Variants in SRCAP observed in about 807,000 individuals in gnomAD.
SRCAP encodes the protein chromatin remodeling protein SRCAP.
A neutral mutation model predicts 263.1 loss-of-function variants in SRCAP; 46 were observed. That is an observed-to-expected ratio of 0.17 (90% CI 0.14 to 0.22). The LOEUF is 0.22. Among genes scored for constraint, SRCAP ranks in the 10% least tolerant of loss-of-function variants. The pLI is 1.00. For missense variants in SRCAP, 3,695 were observed against 4,181.9 expected (o/e 0.88, Z 3.21); for synonymous variants, 1,813 against 1,662.1 (o/e 1.09, Z -2.21).
intron 25 of SRCAP, among the ~76,000 whole-genome samples, chr16:30,727,855 G>A (rs1028036300): frequency 1.3e-5 from 2 of 151,740 alleles, no homozygotes; most frequent in African/African-American, 4.8e-5. Flanking sequence ...CCTGGCCCTT[G>A]TTTGTATTTT....
intron 33 of SRCAP, 111 bp from the exon 34 acceptor site, chr16:30,736,938 T>G: frequency 8.0e-7 from 1 of 1,245,334 alleles, no homozygotes; most frequent in East Asian, 2.3e-5. Context: ...CTTCCCCAAG[T>G]GCTGGAATTA....
chr16:30,722,497 C>A, intron 22 of SRCAP, 66 bp from the exon 23 acceptor site: 1 of 1,579,672 alleles, frequency 6.3e-7, no homozygotes, highest in Non-Finnish European at 8.7e-7. Context: ...TCTCTTCTTG[C>A]CTTGCCTCTG....
Position 30,709,752 on chromosome 16 carries a change from G to C in SRCAP, c.856+17G>C. The C allele has an allele frequency of 6.2e-7, 1 of 1,614,058 alleles. No individual in the cohort carries two copies. The highest frequency in any genetic ancestry group is 2.2e-5 in the East Asian group (1 of 44,890). ...ATGATGAAGGTGTGTGTTCTCTTTGGTCCTGTTACTCTTCCTCATGTACCC... is the reference window on the plus strand; with the variant it reads ...ATGATGAAGGTGTGTGTTCTCTTTGCTCCTGTTACTCTTCCTCATGTACCC... On this transcript the variant is annotated intron_variant, in intron 7 of 33. Transcript: ENST00000262518.
chr16:30,707,246 C>T lies in SRCAP; in HGVS notation c.370C>T (p.Leu124=). The T allele has an allele frequency of 6.2e-7, 1 of 1,614,164 alleles. No individual in the cohort carries two copies. The highest frequency in any genetic ancestry group is 8.5e-7 in the Non-Finnish European group (1 of 1,180,022). ...RKEGFWSLKR[L]PKVPEPPRPK... Reference sequence around the variant, plus strand: ...GGAGGGTTTCTGGTCACTGAAGAGGCTGCCTAAGGTGCCAGAGCCCCCTCG... The same window carrying T: ...GGAGGGTTTCTGGTCACTGAAGAGGTTGCCTAAGGTGCCAGAGCCCCCTCG... The change falls in exon 5 of 34, where the codon CTG becomes TTG. Residue 124 remains leucine, a synonymous_variant. Coordinates refer to ENST00000262518, the MANE Select transcript of SRCAP (RefSeq NM_006662.3).
In SRCAP at chr16:30,713,194, CT is replaced by C; in HGVS notation, c.2131-11del. 1.2e-6 allele frequency: 2 copies of C among 1,612,626 alleles called. No homozygotes were observed. Among genetic ancestry groups the C allele is most frequent in the Non-Finnish European group, 1.7e-6 (2 of 1,178,998 alleles). On this transcript the variant is annotated splice_polypyrimidine_tract_variant and intron_variant, in intron 14 of 33. Coordinates refer to ENST00000262518, the MANE Select transcript of SRCAP (RefSeq NM_006662.3). ...CATCCCACTATCTGCTACTTTCTGT[CT>C]TTGATCCCTCAGGGCTGGACCAAGC...
Position 30,733,295 on chromosome 16 carries a change from T to C in SRCAP, c.6143T>C (p.Leu2048Ser). ...IQYDCGKLQTLAVLLRQLKAE... is the reference protein window; with the variant it reads ...IQYDCGKLQTSAVLLRQLKAE... Reference sequence around the variant, plus strand: ...ATCTCTTTAGGAAAGTTGCAGACGTTGGCAGTGCTGTTGCGGCAGCTCAAG... The same window carrying C: ...ATCTCTTTAGGAAAGTTGCAGACGTCGGCAGTGCTGTTGCGGCAGCTCAAG... The change falls in exon 28 of 34, where the codon TTG becomes TCG. Residue 2048 changes from leucine to serine, a missense_variant. This residue lies in a region of SRCAP where 138 missense variants were observed against 254.9 expected (regional missense o/e 0.54). Coordinates refer to ENST00000262518, the MANE Select transcript of SRCAP (RefSeq NM_006662.3). This position sits in a 1 kb window ranked among gnomAD's most constrained non-coding sequence, Gnocchi z 5.3. 6.2e-7 allele frequency: 1 copy of C among 1,614,068 alleles called. No homozygotes were observed. The highest frequency in any genetic ancestry group is 8.5e-7 in the Non-Finnish European group (1 of 1,180,028).
intron 12 of SRCAP, 44 bp from the exon 13 acceptor site, chr16:30,712,218 A>G (rs1276815469): frequency 3.1e-6 from 5 of 1,598,084 alleles, no homozygotes; most frequent in East Asian, 2.2e-5. Context: ...CCCCACAACA[A>G]ATGCCTCATT....
chr16:30,707,831 C>A, intron 6 of SRCAP, 119 bp downstream of exon 6: 1 of 1,319,556 alleles, frequency 7.6e-7, no homozygotes, highest in Non-Finnish European at 1.0e-6. Context: ...ACTCTAATGA[C>A]GTTTATGTTG....
In SRCAP at chr16:30,702,243, C is replaced by T. The variant is rs1022452145; in HGVS notation, c.54+1365C>T. 3.0e-4 allele frequency among the ~76,000 whole-genome samples: 46 copies of T among 150,910 alleles called. No homozygotes were observed. The East Asian group carries it at 3.5e-3, about 12-fold the overall frequency. On this transcript the variant is annotated intron_variant, in intron 3 of 33. Transcript: ENST00000262518. ...TGCTGGAATGACAGGTGTGAACCACCGCGCCTGGCCCAGAGTTTCGCTTTT... is the reference window on the plus strand; with the variant it reads ...TGCTGGAATGACAGGTGTGAACCACTGCGCCTGGCCCAGAGTTTCGCTTTT...
In SRCAP at chr16:30,738,620, G is replaced by T; in HGVS notation, c.8580G>T (p.Arg2860Ser). The part of the protein sequence containing the change: ...AITPPAVKRR[R>S]GRPPKKNRSP... ...CCCCACCTGCTGTGAAACGTCGGAGGGGGAGGCCCCCCAAGAAGAACAGGT... is the reference window on the plus strand; with the variant it reads ...CCCCACCTGCTGTGAAACGTCGGAGTGGGAGGCCCCCCAAGAAGAACAGGT... The change falls in exon 34 of 34, where the codon AGG becomes AGT. Residue 2860 changes from arginine to serine, a missense_variant. Around this residue, in one of 12 missense-constraint regions of SRCAP, gnomAD observed 1,207 missense variants for 1,142.9 expected, o/e 1.06. Coordinates refer to ENST00000262518, the MANE Select transcript of SRCAP (RefSeq NM_006662.3). 1.2e-6 allele frequency: 2 copies of T among 1,605,436 alleles called. No homozygotes were observed. The highest frequency in any genetic ancestry group is 1.7e-6 in the Non-Finnish European group (2 of 1,175,736).
In SRCAP at chr16:30,738,974, C is replaced by T. The variant is rs535117118; in HGVS notation, c.8934C>T (p.Leu2978=). The T allele has an allele frequency of 6.2e-6, 10 of 1,613,756 alleles. No homozygotes were observed. In the South Asian group the frequency reaches 1.1e-4, roughly 18 times the overall value. ...PPPHPSPLTP[L]PPLLVCPTAT... is the part of the protein sequence containing the mutation. ...CACACCCATCACCCCTAACCCCACT[C>T]CCACCACTGCTAGTTTGTCCCACTG... Residue 2978 remains leucine (L), a synonymous_variant, in exon 34 of 34, where the codon CTC becomes CTT. Coordinates refer to ENST00000262518, the MANE Select transcript of SRCAP (RefSeq NM_006662.3).
intron 3 of SRCAP, among the ~76,000 whole-genome samples, chr16:30,703,526 G>T (rs969327800): frequency 6.6e-6 from 1 of 151,668 alleles, no homozygotes; most frequent in Non-Finnish European, 1.5e-5. Context: ...TTTGGGAACT[G>T]TGTAAATGTC....
At chr16:30,703,903 A>T (rs2052796254) in intron 3 of SRCAP, among the ~76,000 whole-genome samples, 161 bp from the exon 4 acceptor site, 1 of 149,758 alleles carries the variant, frequency 6.7e-6, no homozygotes, top group African/African-American at 2.5e-5. Context: ...TCTCAAAAAA[A>T]TAAAATAAAA....
chr16:30,716,103 A>G lies in SRCAP; in HGVS notation c.2531A>G (p.Asp844Gly). The G allele has an allele frequency of 6.2e-7, 1 of 1,614,080 alleles. No homozygotes were observed. Among genetic ancestry groups the G allele is most frequent in the Non-Finnish European group, 8.5e-7 (1 of 1,180,018 alleles). ...RPFLLRRVKVDVEKQMPKKYE... is the reference protein window; with the variant it reads ...RPFLLRRVKVGVEKQMPKKYE... ...TTTTTACTGCGCCGAGTTAAGGTGG[A>G]TGTTGAGAAGCAGATGCCCAAAAAG... Residue 844 changes from aspartate (D) to glycine (G), a missense_variant, in exon 17 of 34, where the codon GAT becomes GGT. This residue lies in a region of SRCAP where 121 missense variants were observed against 330.7 expected (regional missense o/e 0.37). Coordinates refer to ENST00000262518, the MANE Select transcript of SRCAP (RefSeq NM_006662.3).
intron 25 of SRCAP, chr16:30,725,677 G>A (rs2053057441): frequency 6.6e-6 from 1 of 152,632 alleles, no homozygotes; most frequent in Non-Finnish European, 1.5e-5. Flanking sequence ...GAGAGTAGAG[G>A]GATTGCTCTG....
At chr16:30,717,949 G>A (rs558094640) in intron 18 of SRCAP, among the ~76,000 whole-genome samples, 25 of 150,028 alleles carry the variant, frequency 1.7e-4, no homozygotes, top group Non-Finnish European at 3.1e-4. Context: ...GGAAGAGATG[G>A]TGTCTTGCCA....
chr16:30,724,737 T>C lies in SRCAP; in HGVS notation c.5313T>C (p.Ala1771=). The change falls in exon 25 of 34, where the codon GCT becomes GCC. Residue 1771 remains alanine, a synonymous_variant. Coordinates refer to ENST00000262518, the MANE Select transcript of SRCAP (RefSeq NM_006662.3). ...CCCCAGCTCACACGCTGACTTTGGC[T>C]CCAGCATCGTCATCTGCTTCACTCC... The part of the protein sequence containing the change: ...GPAPAHTLTL[A]PASSSASLLA... The C allele has an allele frequency of 6.2e-7, 1 of 1,614,002 alleles. No homozygotes were observed. The highest frequency in any genetic ancestry group is 8.5e-7 in the Non-Finnish European group (1 of 1,179,972).
Position 30,737,571 on chromosome 16 carries a change from C to T in SRCAP, c.7531C>T (p.His2511Tyr), listed in dbSNP as rs2151300234. Residue 2511 changes from histidine (H) to tyrosine (Y), a missense_variant, in exon 34 of 34, where the codon CAT becomes TAT. Around this residue, in one of 12 missense-constraint regions of SRCAP, gnomAD observed 1,207 missense variants for 1,142.9 expected, o/e 1.06. Coordinates refer to ENST00000262518, the MANE Select transcript of SRCAP (RefSeq NM_006662.3). Reference sequence around the variant, plus strand: ...TCCTGCCTGTACCCCTCCACCAGCTCATACACCGCCTCCAGCCCAAACCTG... The same window carrying T: ...TCCTGCCTGTACCCCTCCACCAGCTTATACACCGCCTCCAGCCCAAACCTG... Reference protein sequence around the residue: ...PPPACTPPPAHTPPPAQTCLV... With the variant: ...PPPACTPPPAYTPPPAQTCLV... 1 of 1,614,134 alleles carries T rather than the reference C, an allele frequency of 6.2e-7. No homozygotes were observed. Among genetic ancestry groups the T allele is most frequent in the Admixed American group, 1.7e-5 (1 of 60,020 alleles).
rs757831884 is a variant in SRCAP, at chr16:30,738,194, A to G, written c.8154A>G (p.Arg2718=). ...TSSPEGPSPA[R]PPRRRTSADV... The stretch of plus-strand genomic sequence containing the variant: ...CGCCTGAGGGTCCTTCACCTGCCCG[A>G]CCTCCTCGGCGTCGCACCAGTGCTG... Residue 2718 remains arginine, a synonymous_variant, in exon 34 of 34, where the codon CGA becomes CGG. Transcript: ENST00000262518. 39 of 1,613,778 alleles carry G rather than the reference A, an allele frequency of 2.4e-5. No individual in the cohort carries two copies. The highest frequency in any genetic ancestry group is 3.1e-5 in the Non-Finnish European group (37 of 1,179,996).
Sources: allele counts gnomAD v4.1 joint callset (sites outside exome capture counted in the v4.1 genomes callset), GRCh38; gene constraint gnomAD v4.1.1; regional missense constraint gnomAD v4.1.1; non-coding constraint Gnocchi (gnomAD v3.1); transcripts MANE v1.5; gene names NCBI Gene and HGNC (gene_info 2026-07-23, HGNC 2026-07-21).